Variants in CA10 observed in about 807,000 individuals in gnomAD.
The protein encoded by CA10 is carbonic anhydrase 10 (inactive).
CA10 carries 14 observed loss-of-function variants against 44.2 expected under a neutral mutation model. That is an observed-to-expected ratio of 0.32 (90% CI 0.21 to 0.50). The LOEUF is 0.50. Ranked by LOEUF, CA10 falls within the 20% of genes least tolerant of loss-of-function variation. The pLI is 0.99. For synonymous variants in CA10, 159 were observed against 141.6 expected (o/e 1.12, Z -0.87); for missense variants, 350 against 409.7 (o/e 0.85, Z 1.26).
At chr17:51,998,679 T>C (rs1985321715) in intron 2 of CA10, among the ~76,000 whole-genome samples, 1 of 152,100 alleles carries the variant, frequency 6.6e-6, no homozygotes, top group African/African-American at 2.4e-5. Context: ...GTTTCTATTA[T>C]GCAACACACC....
chr17:52,145,164 C>T (rs1242795243), intron 1 of CA10, among the ~76,000 whole-genome samples: 1 of 152,096 alleles, frequency 6.6e-6, no homozygotes, highest in African/African-American at 2.4e-5. Flanking sequence ...CTCATAATGC[C>T]TTATCATATG....
At chr17:51,958,190 T>A (rs1317013107) in intron 2 of CA10, among the ~76,000 whole-genome samples, 1 of 151,754 alleles carries the variant, frequency 6.6e-6, no homozygotes. Context: ...ATTAGAGTAG[T>A]CAACAGATAG....
intron 2 of CA10, among the ~76,000 whole-genome samples, chr17:52,065,881 G>C (rs1987523343): frequency 6.6e-6 from 1 of 152,164 alleles, no homozygotes; most frequent in South Asian, 2.1e-4. Context: ...GAGGGACCTG[G>C]TGGGACATAA....
At chr17:52,093,390 T>C (rs1988320032) in intron 1 of CA10, among the ~76,000 whole-genome samples, 1 of 152,170 alleles carries the variant, frequency 6.6e-6, no homozygotes, top group Non-Finnish European at 1.5e-5. Flanking sequence ...CTGAGGTTTT[T>C]CCCTCTTTGT....
chr17:51,931,870 TTCTC>T (rs1429487180), intron 2 of CA10, among the ~76,000 whole-genome samples: 1 of 152,160 alleles, frequency 6.6e-6, no homozygotes, highest in Non-Finnish European at 1.5e-5. Context: ...CCAGTTCGAT[TTCTC>T]TCTATTTAAG....
intron 2 of CA10, among the ~76,000 whole-genome samples, chr17:51,965,175 C>T (rs1984034669): frequency 6.6e-6 from 1 of 151,806 alleles, no homozygotes; most frequent in African/African-American, 2.4e-5. Flanking sequence ...TGGAAATGAA[C>T]AACCTCCCAT....
intron 3 of CA10, among the ~76,000 whole-genome samples, chr17:51,917,668 C>T (rs1982058524): frequency 1.3e-5 from 2 of 152,176 alleles, no homozygotes; most frequent in African/African-American, 4.8e-5. Context: ...AGATGCCACA[C>T]ATTTTTAAAC....
chr17:51,774,518 C>T (rs1282026925), intron 3 of CA10, among the ~76,000 whole-genome samples: 1 of 151,944 alleles, frequency 6.6e-6, no homozygotes, highest in Non-Finnish European at 1.5e-5. Flanking sequence ...CAGCTCACTG[C>T]AACCTCCACT....
At chr17:51,702,036 A>C (rs886322473) in intron 4 of CA10, among the ~76,000 whole-genome samples, 13 of 152,164 alleles carry the variant, frequency 8.5e-5, no homozygotes, top group Admixed American at 8.5e-4. Flanking sequence ...ACCATGTGAG[A>C]GTCAGAAGGG....
intron 3 of CA10, among the ~76,000 whole-genome samples, chr17:51,881,242 G>GAAAA (rs11423498): frequency 1.6e-5 from 2 of 123,648 alleles, no homozygotes; most frequent in African/African-American, 6.0e-5. Flanking sequence ...TCCGTCTCAA[G>GAAAA]AAAAAAAAAA....
intron 1 of CA10, among the ~76,000 whole-genome samples, chr17:52,156,573 T>C (rs1341749609): frequency 6.6e-6 from 1 of 152,198 alleles, no homozygotes; most frequent in African/African-American, 2.4e-5. Flanking sequence ...TGTTTTCTCC[T>C]ATCCAGAATC....
At chr17:51,724,023 G>A (rs1178217287) in intron 4 of CA10, among the ~76,000 whole-genome samples, 3 of 152,114 alleles carry the variant, frequency 2.0e-5, no homozygotes, top group African/African-American at 7.2e-5. Context: ...GAACAGGCCT[G>A]ACAAATAGTA....
intron 4 of CA10, among the ~76,000 whole-genome samples, chr17:51,745,766 A>C (rs1300708746): frequency 6.6e-6 from 1 of 152,250 alleles, no homozygotes. Context: ...TTCATTTAAC[A>C]AATATTTCTA....
chr17:51,929,112 A>G (rs955166204), intron 3 of CA10, among the ~76,000 whole-genome samples: 1 of 152,164 alleles, frequency 6.6e-6, no homozygotes, highest in Non-Finnish European at 1.5e-5. Flanking sequence ...TGTTCAAAAA[A>G]TATCTCTAAA....
intron 4 of CA10, among the ~76,000 whole-genome samples, chr17:51,717,827 GTGTATA>G (rs1232721706): frequency 6.8e-4 from 7 of 10,352 alleles, no homozygotes; most frequent in African/African-American, 2.4e-3. Context: ...ATATATGTGT[GTGTATA>G]TATATATATA....
rs55932655 is a variant in CA10 at position 51,717,829 on chromosome 17, GTATATATATATATATATATATATA to G, written c.465+29780_465+29803del. On this transcript the variant is annotated intron_variant, in intron 4 of 8. Transcript: ENST00000451037. Reference sequence around the variant, plus strand: ...TATATACACGTATATATATGTGTGTGTATATATATATATATATATATATATATATATATATATATACAGGATAGA... The same window carrying G: ...TATATACACGTATATATATGTGTGTGTATATATATATATATACAGGATAGA... 1.0e-3 allele frequency among the ~76,000 whole-genome samples: 8 copies of G among 7,918 alleles called. 2 individuals are homozygous for G. The highest frequency in any genetic ancestry group is 1.4e-3 in the African/African-American group (4 of 2,962). The allele number at this position is 7,918 out of a possible 152,430, so 5.2% of individuals were successfully genotyped here. A position where few individuals can be genotyped will look rare whatever the true frequency, so the allele number is the denominator to read the frequency against.
intron 2 of CA10, among the ~76,000 whole-genome samples, chr17:51,986,104 CTA>C (rs2144095586): frequency 6.6e-6 from 1 of 152,042 alleles, no homozygotes; most frequent in East Asian, 1.9e-4. Flanking sequence ...TGATTTCAGA[CTA>C]TACTATAAGG....
At chr17:51,896,033 C>G (rs1260794308) in intron 3 of CA10, among the ~76,000 whole-genome samples, 1 of 151,732 alleles carries the variant, frequency 6.6e-6, no homozygotes, top group Admixed American at 6.6e-5. Flanking sequence ...TTAAAAAAAT[C>G]AACTTCATCA....
intron 4 of CA10, among the ~76,000 whole-genome samples, chr17:51,671,524 C>A (rs1914423058): frequency 6.6e-6 from 1 of 152,178 alleles, no homozygotes. Flanking sequence ...CCTGCCTCAG[C>A]CTCCTGAGTA....
Sources: allele counts gnomAD v4.1 joint callset (sites outside exome capture counted in the v4.1 genomes callset), GRCh38; gene constraint gnomAD v4.1.1; transcripts MANE v1.5; gene names NCBI Gene and HGNC (gene_info 2026-07-23, HGNC 2026-07-21).